Variants in SPIB observed in about 807,000 individuals in gnomAD.
The protein encoded by SPIB is Spi-B transcription factor.
In SPIB, 7 loss-of-function variants were observed where a neutral mutation model predicts 31.9. The observed-to-expected ratio is 0.22, with a 90% CI of 0.12 to 0.41. SPIB has a LOEUF of 0.41. SPIB is among the 10% of genes least tolerant of loss of function. The pLI, the probability that SPIB is intolerant of heterozygous loss-of-function variation, is 1.00. For synonymous variants in SPIB, 176 were observed against 158.9 expected (o/e 1.11, Z -0.81); for missense variants, 327 against 360.2 (o/e 0.91, Z 0.75).
intron 2 of SPIB, among the ~76,000 whole-genome samples, chr19:50,420,789 A>G (rs914715620): frequency 1.1e-4 from 16 of 152,048 alleles, no homozygotes; most frequent in Non-Finnish European, 1.5e-4. Flanking sequence ...CACCATGCCC[A>G]GCTAATTTTT....
intron 5 of SPIB, among the ~76,000 whole-genome samples, chr19:50,427,814 G>A (rs987347964): frequency 1.3e-5 from 2 of 152,058 alleles, no homozygotes; most frequent in Non-Finnish European, 2.9e-5. Flanking sequence ...CACAGAACGC[G>A]GAGGGGGCCT....
Position 50,428,309 on chromosome 19 carries a change from G to T in SPIB, c.762G>T (p.Ala254=), listed in dbSNP as rs955568008. Residue 254 remains alanine (A), a synonymous_variant, in exon 6 of 6, where the codon GCG becomes GCT. Coordinates refer to ENST00000595883, the MANE Select transcript of SPIB (RefSeq NM_003121.5). This position sits in a 1 kb window ranked among gnomAD's most constrained non-coding sequence, Gnocchi z 6.5. ...KRKLTYQFDS[A]LLPAVRRA is the part of the protein sequence containing the mutation. The stretch of plus-strand genomic sequence containing the variant: ...AGCTCACCTACCAGTTCGACAGCGC[G>T]CTGCTGCCTGCAGTCCGCCGGGCCT... 1.0e-5 allele frequency: 16 copies of T among 1,549,208 alleles called. No homozygotes were observed. Among genetic ancestry groups the T allele is most frequent in the African/African-American group, 1.4e-5 (1 of 73,050 alleles).
At chr19:50,421,469 C>T (rs892115455) in intron 2 of SPIB, among the ~76,000 whole-genome samples, 2 of 149,782 alleles carry the variant, frequency 1.3e-5, no homozygotes, top group African/African-American at 2.5e-5. Context: ...ACTACAGGTG[C>T]GCACCACCAT....
rs2039598440 is a variant in SPIB, at chr19:50,428,427, T to A, written c.*91T>A. On this transcript the variant is annotated 3_prime_UTR_variant, in exon 6 of 6. Coordinates refer to ENST00000595883, the MANE Select transcript of SPIB (RefSeq NM_003121.5). The surrounding 1 kb of genome is among the most constrained non-coding windows in gnomAD (Gnocchi z 6.5). ...GAAGAAAAAGGGCGTCCCCACACTC[T>A]AGGTGATAGGACTTACGCATCCCCA... The A allele has an allele frequency of 7.4e-7, 1 of 1,344,958 alleles. No homozygotes were observed. 83.3% of individuals were successfully genotyped at this position (1,344,958 alleles called of 1,614,324 possible). A position where few individuals can be genotyped will look rare whatever the true frequency, so the allele number is the denominator to read the frequency against.
Position 50,422,931 on chromosome 19 carries a change from A to G in SPIB, c.233A>G (p.Tyr78Cys), listed in dbSNP as rs543962188. The G allele has an allele frequency of 4.4e-6, 7 of 1,599,934 alleles. No individual in the cohort carries two copies. The highest frequency in any genetic ancestry group is 2.2e-5 in the East Asian group (1 of 44,772). Residue 78 changes from tyrosine (Y) to cysteine (C), a missense_variant, in exon 4 of 6, where the codon TAC becomes TGC. By Grantham distance (194) the Tyr-to-Cys change is radical. Coordinates refer to ENST00000595883, the MANE Select transcript of SPIB (RefSeq NM_003121.5). ...CACCCCCAGGCTGCCCAGCTCTGCT[A>G]CGAACCCCCCACCTACAGCCCTGCA... ...FSHPQAAQLC[Y>C]EPPTYSPAGN...
chr19:50,421,354 T>C (rs2039491074), intron 2 of SPIB, among the ~76,000 whole-genome samples: 1 of 152,122 alleles, frequency 6.6e-6, no homozygotes, highest in Non-Finnish European at 1.5e-5. Context: ...GACAGAGTTT[T>C]GCTCTGTCGC....
At chr19:50,419,709 C>T (rs2039464758) in intron 1 of SPIB, among the ~76,000 whole-genome samples, 1 of 152,250 alleles carries the variant, frequency 6.6e-6, no homozygotes, top group African/African-American at 2.4e-5. Flanking sequence ...CTGCCCCTCC[C>T]CACCAGGGTG....
chr19:50,423,146 C>T (rs568716832), intron 4 of SPIB, 109 bp downstream of exon 4: 1 of 557,122 alleles, frequency 1.8e-6, no homozygotes, highest in East Asian at 2.9e-5. Flanking sequence ...TGCTTGAGCC[C>T]AGAAGGTCGA....
chr19:50,424,800 GA>G (rs1023690101), intron 5 of SPIB, among the ~76,000 whole-genome samples: 18 of 143,838 alleles, frequency 1.3e-4, no homozygotes, highest in Admixed American at 4.1e-4. Context: ...AAAAAAGAAA[GA>G]AAAAAAAATT....
At chr19:50,427,867 C>CTA (rs1555795032) in intron 5 of SPIB, among the ~76,000 whole-genome samples, 171 bp from the exon 6 acceptor site, 3 of 141,374 alleles carry the variant, frequency 2.1e-5, no homozygotes, top group Non-Finnish European at 4.6e-5. Context: ...TGCCCCCCCC[C>CTA]CCCCCCGTGG....
intron 2 of SPIB, among the ~76,000 whole-genome samples, chr19:50,420,284 C>T (rs1235007249): frequency 6.6e-6 from 1 of 152,138 alleles, no homozygotes; most frequent in Non-Finnish European, 1.5e-5. Context: ...AGTTCAGATA[C>T]GGAATACTAT....
At chr19:50,421,107 G>A (rs2039488908) in intron 2 of SPIB, among the ~76,000 whole-genome samples, 1 of 152,044 alleles carries the variant, frequency 6.6e-6, no homozygotes, top group African/African-American at 2.4e-5. Flanking sequence ...ATGACACCTG[G>A]GCTGTTTCCA....
chr19:50,422,771 G>A (rs1212978438), intron 3 of SPIB, 52 bp from the exon 4 acceptor site: 34 of 1,273,270 alleles, frequency 2.7e-5, no homozygotes, highest in Non-Finnish European at 2.0e-5. Context: ...CTTCGACTGC[G>A]AGGAGGCCTC....
intron 2 of SPIB, 86 bp from the exon 3 acceptor site, chr19:50,422,386 GT>G: frequency 8.7e-7 from 1 of 1,144,578 alleles, no homozygotes. Flanking sequence ...CCATGTCTGT[GT>G]TGGAGTCTCC....
Position 50,422,913 on chromosome 19 carries a change from A to G in SPIB, c.215A>G (p.Gln72Arg). The G allele has an allele frequency of 3.7e-6, 6 of 1,604,212 alleles. No homozygotes were observed. Among genetic ancestry groups the G allele is most frequent in the Non-Finnish European group, 5.1e-6 (6 of 1,173,572 alleles). Residue 72 changes from glutamine (Q) to arginine (R), a missense_variant, in exon 4 of 6, where the codon CAG (glutamine) becomes CGG (arginine). Physicochemically the swap from Gln to Arg is conservative, Grantham distance 43. Transcript: ENST00000595883. ...GCAGCAGCCGCTTTTAGCCACCCCC[A>G]GGCTGCCCAGCTCTGCTACGAACCC... is the stretch of plus-strand genomic sequence containing the variant. ...DPAAAAFSHP[Q>R]AAQLCYEPPT...
At chr19:50,421,931 G>A (rs1445020973) in intron 2 of SPIB, among the ~76,000 whole-genome samples, 1 of 152,084 alleles carries the variant, frequency 6.6e-6, no homozygotes, top group Non-Finnish European at 1.5e-5. Flanking sequence ...TGTATTTTTA[G>A]TAGAGACGGG....
chr19:50,424,339 C>T (rs34110754), intron 5 of SPIB, among the ~76,000 whole-genome samples: 14 of 152,214 alleles, frequency 9.2e-5, no homozygotes, highest in Non-Finnish European at 2.1e-4. Flanking sequence ...ACATGCTCCA[C>T]GGTGCATTGT....
At chr19:50,419,221 T>G (rs2039452127) in intron 1 of SPIB, among the ~76,000 whole-genome samples, 1 of 152,142 alleles carries the variant, frequency 6.6e-6, no homozygotes, top group Non-Finnish European at 1.5e-5. Context: ...CCAGAACACT[T>G]GCTAGCGTGC....
rs879786691 is a variant in SPIB at position 50,427,865 on chromosome 19, C to CT, written c.491-173_491-172insT. On this transcript the variant is annotated intron_variant, in intron 5 of 5. Transcript: ENST00000595883. ...GGGCAGGGGGAGTGGCTTGCCCCCC[C>CT]CCCCCCCCGTGGTGAGGGGCGCAGA... is the stretch of plus-strand genomic sequence containing the variant. Among the ~76,000 whole-genome samples the CT allele has an allele frequency of 9.5e-5, 10 of 105,450 alleles. 1 individual carries two copies. Among genetic ancestry groups the CT allele is most frequent in the Admixed American group, 3.1e-4 (3 of 9,604 alleles). The allele number at this position is 105,450 out of a possible 152,430, so 69.2% of individuals were successfully genotyped here. A position where few individuals can be genotyped will look rare whatever the true frequency, so the allele number is the denominator to read the frequency against.
Sources: allele counts gnomAD v4.1 joint callset (sites outside exome capture counted in the v4.1 genomes callset), GRCh38; gene constraint gnomAD v4.1.1; non-coding constraint Gnocchi (gnomAD v3.1); transcripts MANE v1.5; gene names NCBI Gene and HGNC (gene_info 2026-07-23, HGNC 2026-07-21).